Variants in GABRA4 observed in about 807,000 individuals in gnomAD.
GABRA4 encodes the protein gamma-aminobutyric acid receptor subunit alpha-4.
Under a neutral mutation model 49.7 loss-of-function variants are expected in GABRA4, and 12 were observed. The ratio of observed to expected loss-of-function variants is 0.24; its 90% CI spans 0.15 to 0.39. GABRA4 has a LOEUF of 0.39. Among genes scored for constraint, GABRA4 ranks in the 10% least tolerant of loss-of-function variants. The pLI, the probability that GABRA4 is intolerant of heterozygous loss-of-function variation, is 1.00. For missense variants in GABRA4, 506 were observed against 686.0 expected (o/e 0.74, Z 2.93); for synonymous variants, 288 against 240.2 (o/e 1.20, Z -1.84).
chr4:46,940,542 T>TC (rs1246265981), intron 8 of GABRA4, among the ~76,000 whole-genome samples: 13 of 152,082 alleles, frequency 8.5e-5, no homozygotes, highest in Middle Eastern at 3.4e-3. Flanking sequence ...ATCAGTCCTC[T>TC]CCCCCCTAGT....
chr4:46,952,645 A>T (rs1382287301), intron 8 of GABRA4, among the ~76,000 whole-genome samples: 2 of 152,074 alleles, frequency 1.3e-5, no homozygotes, highest in African/African-American at 2.4e-5. Context: ...AAAAGGGAAA[A>T]TTGGCAGCTT....
At chr4:46,969,959 G>GC (rs778285690) in intron 7 of GABRA4, among the ~76,000 whole-genome samples, 2 of 150,332 alleles carry the variant, frequency 1.3e-5, no homozygotes, top group African/African-American at 2.4e-5. Context: ...CTCCACCATT[G>GC]CCCCCCCATA....
At chr4:46,954,292 C>A (rs1722267446) in intron 8 of GABRA4, among the ~76,000 whole-genome samples, 1 of 152,096 alleles carries the variant, frequency 6.6e-6, no homozygotes, top group Admixed American at 6.6e-5. Context: ...CACAGTGGCT[C>A]ATTCCTGTAA....
intron 4 of GABRA4, 128 bp downstream of exon 4, chr4:46,977,282 A>AAGGGAGGG: frequency 2.3e-6 from 1 of 443,790 alleles, no homozygotes; most frequent in Non-Finnish European, 4.0e-6. Context: ...GGGAAGGAGG[A>AAGGGAGGG]AGGGAGGGAG....
intron 8 of GABRA4, among the ~76,000 whole-genome samples, chr4:46,954,132 G>T (rs1722263036): frequency 6.6e-6 from 1 of 152,122 alleles, no homozygotes; most frequent in Admixed American, 6.6e-5. Flanking sequence ...TGCTGTTGGA[G>T]CAGTGTAGAT....
chr4:46,935,831 TA>T (rs879698175), intron 8 of GABRA4, among the ~76,000 whole-genome samples: 20 of 152,040 alleles, frequency 1.3e-4, no homozygotes, highest in Non-Finnish European at 1.9e-4. Flanking sequence ...AAAAAGTTTT[TA>T]AAAAAAGAAT....
intron 2 of GABRA4, among the ~76,000 whole-genome samples, chr4:46,987,575 AT>A (rs1723587195): frequency 6.6e-6 from 1 of 151,982 alleles, no homozygotes; most frequent in Non-Finnish European, 1.5e-5. Context: ...TTGAAAAGTC[AT>A]TTTTTACTTC....
intron 8 of GABRA4, among the ~76,000 whole-genome samples, chr4:46,963,046 C>T (rs1272881141): frequency 6.6e-6 from 1 of 151,754 alleles, no homozygotes; most frequent in African/African-American, 2.4e-5. Flanking sequence ...GCAAAAATTT[C>T]TTGAGTAATA....
chr4:46,925,951 T>C lies in GABRA4; in HGVS notation c.*2274A>G, dbSNP rs529767908. 6.6e-6 allele frequency: 1 copy of C among 151,646 alleles called. No individual in the cohort carries two copies. Among genetic ancestry groups the C allele is most frequent in the African/African-American group, 2.4e-5 (1 of 41,366 alleles). 9.4% of individuals were successfully genotyped at this position (151,646 alleles called of 1,614,324 possible). A position where few individuals can be genotyped will look rare whatever the true frequency, so the allele number is the denominator to read the frequency against. On this transcript the variant is annotated 3_prime_UTR_variant, in exon 9 of 9. Transcript: ENST00000264318. ...TAAGAAAAAAAATCATTTCTTTTTA[T>C]CTCTTTACACTCTGTAAGATTTGTA... is the stretch of plus-strand genomic sequence containing the variant.
chr4:46,946,524 A>G (rs2109353168), intron 8 of GABRA4, among the ~76,000 whole-genome samples: 1 of 152,168 alleles, frequency 6.6e-6, no homozygotes, highest in Non-Finnish European at 1.5e-5. Context: ...ATTTCTGCTA[A>G]CTCTTAGTTC....
chr4:46,987,563 A>T (rs188205558), intron 2 of GABRA4, among the ~76,000 whole-genome samples: 2 of 152,234 alleles, frequency 1.3e-5, no homozygotes, highest in African/African-American at 4.8e-5. Flanking sequence ...TCAAAATAGA[A>T]ATTGAAAAGT....
chr4:46,920,510 A>G lies in GABRA4; in HGVS notation c.*7715T>C, dbSNP rs915644716. 1 of 151,766 alleles carries G rather than the reference A, an allele frequency of 6.6e-6. No homozygotes were observed. Among genetic ancestry groups the G allele is most frequent in the African/African-American group, 2.4e-5 (1 of 41,436 alleles). The allele number at this position is 151,766 out of a possible 1,614,324, so 9.4% of individuals were successfully genotyped here. A position where few individuals can be genotyped will look rare whatever the true frequency, so the allele number is the denominator to read the frequency against. On this transcript the variant is annotated 3_prime_UTR_variant, in exon 9 of 9. Transcript: ENST00000264318. ...AGAGATGATGTATATGTATTAATAT[A>G]TGAAAAAATCCTAATTGCACTTCAC...
rs575553242 is a variant in GABRA4, at chr4:46,939,128, C to T, written c.1135-10373G>A. Among the ~76,000 whole-genome samples, 13 of 152,008 alleles carry T rather than the reference C, an allele frequency of 8.6e-5. No individual in the cohort carries two copies. In the South Asian group the frequency reaches 2.7e-3, roughly 32 times the overall value. On this transcript the variant is annotated intron_variant, in intron 8 of 8. Transcript: ENST00000264318. ...AAGAAGATGCTGTTGATATTAGAAA[C>T]AATTTTTCAAAGATTTTTCTCAGTG...
rs1201528286 is a variant in GABRA4, at chr4:46,921,954, G to A, written c.*6271C>T. 4 of 151,900 alleles carry A rather than the reference G, an allele frequency of 2.6e-5. No homozygotes were observed. The highest frequency in any genetic ancestry group is 1.9e-4 in the East Asian group (1 of 5,144). 9.4% of individuals were successfully genotyped at this position (151,900 alleles called of 1,614,324 possible). On this transcript the variant is annotated 3_prime_UTR_variant, in exon 9 of 9. Transcript: ENST00000264318. ...ATTTCAATAAGTATCATTATCCTGC[G>A]ATGTTTCAAACAAAGATGGTTTGTT...
In GABRA4 at chr4:46,993,395, G is replaced by A. The variant is rs746044984; in HGVS notation, c.30C>T (p.Ile10=). The A allele has an allele frequency of 1.2e-6, 2 of 1,614,198 alleles. No homozygotes were observed. Among genetic ancestry groups the A allele is most frequent in the East Asian group, 2.2e-5 (1 of 44,864 alleles). MVSAKKVPA[I]ALSAGVSFAL... ...CGAAACTGACCCCGGCGGACAGAGC[G>A]ATCGCGGGTACCTTCTTGGCAGAAA... Residue 10 remains isoleucine, a synonymous_variant, in exon 1 of 9, where the codon ATC becomes ATT. Coordinates refer to ENST00000264318, the MANE Select transcript of GABRA4 (RefSeq NM_000809.4).
In GABRA4 at chr4:46,927,017, C is replaced by T. The variant is rs549122074; in HGVS notation, c.*1208G>A. 6.6e-6 allele frequency: 1 copy of T among 152,016 alleles called. No individual in the cohort carries two copies. Among genetic ancestry groups the T allele is most frequent in the African/African-American group, 2.4e-5 (1 of 41,528 alleles). 9.4% of individuals were successfully genotyped at this position (152,016 alleles called of 1,614,324 possible). ...CAAAACTCTTCAAAATTTAGCATTT[C>T]ACTAGCTAATATCTAGATCTATCTT... On this transcript the variant is annotated 3_prime_UTR_variant, in exon 9 of 9. Coordinates refer to ENST00000264318, the MANE Select transcript of GABRA4 (RefSeq NM_000809.4).
intron 5 of GABRA4, among the ~76,000 whole-genome samples, chr4:46,975,275 A>G (rs1412382723): frequency 6.6e-6 from 1 of 152,022 alleles, no homozygotes; most frequent in Non-Finnish European, 1.5e-5. Context: ...GACACCTAAG[A>G]GCACCTTATG....
Position 46,993,385 on chromosome 4 carries a change from C to A in GABRA4, c.40G>T (p.Ala14Ser). The change falls in exon 1 of 9, where the codon GCC becomes TCC. Residue 14 changes from alanine to serine, a missense_variant. Physicochemically the swap from Ala to Ser is moderately conservative, Grantham distance 99. Transcript: ENST00000264318. ...CGCAGGAGGGCGAAACTGACCCCGG[C>A]GGACAGAGCGATCGCGGGTACCTTC... ...AKKVPAIALS[A>S]GVSFALLRFL... 2 of 1,614,218 alleles carry A rather than the reference C, an allele frequency of 1.2e-6. No homozygotes were observed. Among genetic ancestry groups the A allele is most frequent in the Non-Finnish European group, 1.7e-6 (2 of 1,180,030 alleles).
chr4:46,966,938 G>A (rs1722783291), intron 7 of GABRA4, among the ~76,000 whole-genome samples: 1 of 151,534 alleles, frequency 6.6e-6, no homozygotes, highest in African/African-American at 2.4e-5. Flanking sequence ...TGAATTTATT[G>A]GGTTTTATTT....
Sources: gnomAD v4.1 joint callset for allele counts (sites outside exome capture counted in the v4.1 genomes callset) on GRCh38, gnomAD v4.1.1 for gene constraint, MANE v1.5 for transcripts, NCBI Gene and HGNC (gene_info 2026-07-23, HGNC 2026-07-21) for gene names.